The following ZRANB1 variants were observed in gnomAD, a reference collection of about 807,000 sequenced individuals.
ZRANB1 encodes ubiquitin thioesterase ZRANB1.
A neutral mutation model predicts 80.5 loss-of-function variants in ZRANB1; 16 were observed. That is an observed-to-expected ratio of 0.20 (90% CI 0.13 to 0.30). The LOEUF (loss-of-function observed/expected upper bound fraction) is 0.30, where lower values mean the gene tolerates loss of function less well. ZRANB1 is among the 10% of genes least tolerant of loss of function. ZRANB1 has a pLI of 1.00. For synonymous variants in ZRANB1, 291 were observed against 293.1 expected (o/e 0.99, Z 0.07); for missense variants, 576 against 862.6 (o/e 0.67, Z 4.16).
intron 8 of ZRANB1, 127 bp from the exon 9 acceptor site, chr10:124,984,647 T>C (rs1017398638): frequency 2.0e-5 from 18 of 889,340 alleles, no homozygotes; most frequent in African/African-American, 1.7e-4. Context: ...GTCAAAACCA[T>C]GTGAAAAGTT....
chr10:124,926,053 A>G, the ZRANB1 span, among the ~76,000 whole-genome samples: 1 of 152,204 alleles, frequency 6.6e-6, no homozygotes, highest in Non-Finnish European at 1.5e-5. Flanking sequence ...TCATGAGTGT[A>G]AACATAAACA....
the ZRANB1 span, among the ~76,000 whole-genome samples, chr10:124,932,131 G>C: frequency 6.6e-6 from 1 of 152,098 alleles, no homozygotes; most frequent in Non-Finnish European, 1.5e-5. Flanking sequence ...ATGTCTTTCT[G>C]TAGCTTTATA....
At chr10:124,930,419 C>T in the ZRANB1 span, among the ~76,000 whole-genome samples, 1 of 152,160 alleles carries the variant, frequency 6.6e-6, no homozygotes. Context: ...GTACCCACCA[C>T]CATATCCAGC....
the ZRANB1 span, among the ~76,000 whole-genome samples, chr10:124,922,338 T>A: frequency 0.054 from 2,049 of 38,010 alleles, 91 homozygotes; most frequent in African/African-American, 0.12. Flanking sequence ...ATATATATAT[T>A]TTTTTTTTAA....
At chr10:124,969,779 T>A (rs1951806479) in intron 2 of ZRANB1, among the ~76,000 whole-genome samples, 1 of 152,216 alleles carries the variant, frequency 6.6e-6, no homozygotes, top group Non-Finnish European at 1.5e-5. Flanking sequence ...CCCATTAAAG[T>A]ACATGGACCA....
chr10:124,940,382 AT>A, upstream of ZRANB1: 1 of 565,872 alleles, frequency 1.8e-6, no homozygotes, highest in Non-Finnish European at 2.7e-6. Flanking sequence ...AGGAATAGCT[AT>A]TCAGTCAGAC....
chr10:124,980,258 T>C (rs1437913631), intron 5 of ZRANB1, among the ~76,000 whole-genome samples: 5 of 152,196 alleles, frequency 3.3e-5, no homozygotes, highest in African/African-American at 9.6e-5. Flanking sequence ...TCTGTTCTTA[T>C]GGAGACTCTG....
In ZRANB1 at chr10:124,985,295, G is replaced by GT; in HGVS notation, c.*306dup. The GT allele has an allele frequency of 4.1e-6, 1 of 241,980 alleles. No homozygotes were observed. Among genetic ancestry groups the GT allele is most frequent in the Non-Finnish European group, 7.9e-6 (1 of 126,428 alleles). 15.0% of individuals were successfully genotyped at this position (241,980 alleles called of 1,614,324 possible). ...AACGCATGTGGTTGTGTAAGACATT[G>GT]TTTAATAGGAAAAGTTGTACCAGCA... is the stretch of plus-strand genomic sequence containing the variant. On this transcript the variant is annotated 3_prime_UTR_variant, in exon 9 of 9. Coordinates refer to ENST00000359653, the MANE Select transcript of ZRANB1 (RefSeq NM_017580.3).
At position 124,986,702 on chromosome 10, in the gene ZRANB1, A is replaced by G. The variant is rs914318144; in HGVS notation, c.*1710A>G. ...CCAATAAGTAATCAAGTTTGTAGAA[A>G]ATGTTAGCATTCTGACTACTTAGCA... is the stretch of plus-strand genomic sequence containing the variant. On this transcript the variant is annotated 3_prime_UTR_variant, in exon 9 of 9. Transcript: ENST00000359653. 3.3e-5 allele frequency: 5 copies of G among 152,186 alleles called. No individual in the cohort carries two copies. Among genetic ancestry groups the G allele is most frequent in the African/African-American group, 4.8e-5 (2 of 41,444 alleles). 9.4% of individuals were successfully genotyped at this position (152,186 alleles called of 1,614,324 possible).
chr10:124,973,520 A>T, intron 3 of ZRANB1, 125 bp from the exon 4 acceptor site: 2 of 781,992 alleles, frequency 2.6e-6, no homozygotes, highest in South Asian at 3.5e-5. Context: ...CTATCTGATA[A>T]CCTTCAATGG....
chr10:124,923,408 A>G, the ZRANB1 span, among the ~76,000 whole-genome samples: 1 of 150,978 alleles, frequency 6.6e-6, no homozygotes, highest in Non-Finnish European at 1.5e-5. Context: ...CCTGACCAAC[A>G]TGGTGAAACC....
the ZRANB1 span, among the ~76,000 whole-genome samples, chr10:124,934,965 G>T: frequency 6.6e-6 from 1 of 152,224 alleles, no homozygotes; most frequent in Non-Finnish European, 1.5e-5. Context: ...TGGAAGCCAT[G>T]TGAGAACAGT....
the ZRANB1 span, among the ~76,000 whole-genome samples, chr10:124,925,102 G>A: frequency 6.6e-6 from 1 of 151,810 alleles, no homozygotes; most frequent in Non-Finnish European, 1.5e-5. Flanking sequence ...TAGAGATGAG[G>A]TTTCATTATG....
chr10:124,981,490 A>G (rs1249062259), intron 5 of ZRANB1: 1 of 373,028 alleles, frequency 2.7e-6, no homozygotes, highest in African/African-American at 2.1e-5. Flanking sequence ...TCGGTAAATC[A>G]AATTCTGACT....
chr10:124,959,559 T>C (rs1381467189), intron 1 of ZRANB1, among the ~76,000 whole-genome samples: 2 of 151,978 alleles, frequency 1.3e-5, no homozygotes, highest in Non-Finnish European at 2.9e-5. Context: ...TCAACCTTCT[T>C]GGGCTCAAGG....
the ZRANB1 span, among the ~76,000 whole-genome samples, chr10:124,933,975 ATCT>A: frequency 6.6e-6 from 1 of 152,196 alleles, no homozygotes; most frequent in Non-Finnish European, 1.5e-5. Flanking sequence ...TGTCTTTAAG[ATCT>A]TCTTTCATTC....
chr10:124,981,605 T>G (rs757837497), intron 5 of ZRANB1, 104 bp from the exon 6 acceptor site: 49 of 1,090,426 alleles, frequency 4.5e-5, no homozygotes, highest in Non-Finnish European at 5.9e-5. Flanking sequence ...ATTAATTGTT[T>G]CACAGACTGC....
At chr10:124,923,295 A>C in the ZRANB1 span, among the ~76,000 whole-genome samples, 1 of 149,688 alleles carries the variant, frequency 6.7e-6, no homozygotes, top group Non-Finnish European at 1.5e-5. Context: ...AACAAACAAA[A>C]AAAACAAACT....
At chr10:124,967,744 A>C (rs1951788158) in intron 2 of ZRANB1, among the ~76,000 whole-genome samples, 1 of 152,160 alleles carries the variant, frequency 6.6e-6, no homozygotes, top group East Asian at 1.9e-4. Flanking sequence ...ACAGGCCCTC[A>C]GTCTGAAGAA....
Sources: gnomAD v4.1 joint callset for allele counts (sites outside exome capture counted in the v4.1 genomes callset) on GRCh38, gnomAD v4.1.1 for gene constraint, MANE v1.5 for transcripts, NCBI Gene and HGNC (gene_info 2026-07-23, HGNC 2026-07-21) for gene names.